The following MOBP variants were observed in gnomAD, a reference collection of about 807,000 sequenced individuals.
MOBP encodes the protein myelin associated oligodendrocyte basic protein.
MOBP carries 5 observed loss-of-function variants against 15.0 expected under a neutral mutation model. The observed-to-expected ratio is 0.33, with a 90% CI of 0.17 to 0.70. The LOEUF (loss-of-function observed/expected upper bound fraction) is 0.70. MOBP is among the 30% of genes least tolerant of loss of function. The pLI is 0.67. For missense variants in MOBP, 188 were observed against 257.8 expected (o/e 0.73, Z 1.85); for synonymous variants, 88 against 99.0 (o/e 0.89, Z 0.66).
chr3:39,479,846 A>G (rs919648935), intron 1 of MOBP, among the ~76,000 whole-genome samples, 194 bp from the exon 2 acceptor site: 2 of 151,902 alleles, frequency 1.3e-5, no homozygotes, highest in African/African-American at 4.8e-5. Context: ...GGCGGTTATT[A>G]AAAGTTTACA....
At chr3:39,471,322 G>T (rs1427585227) in intron 1 of MOBP, among the ~76,000 whole-genome samples, 1 of 151,786 alleles carries the variant, frequency 6.6e-6, no homozygotes. Context: ...GTAGAGACGG[G>T]GTTTCACCAT....
chr3:39,520,566 G>A (rs1467674463), downstream of MOBP, among the ~76,000 whole-genome samples: 1 of 141,126 alleles, frequency 7.1e-6, no homozygotes, highest in African/African-American at 3.0e-5. Flanking sequence ...GTATGTGTGT[G>A]TGTGTGTATG....
chr3:39,506,047 G>A (rs1179852815), downstream of MOBP, among the ~76,000 whole-genome samples: 1 of 152,084 alleles, frequency 6.6e-6, no homozygotes, highest in Non-Finnish European at 1.5e-5. Context: ...TCGCTGATGA[G>A]GCCAGTCCCC....
In MOBP at chr3:39,502,759, G is replaced by A. The variant is rs535595748; in HGVS notation, c.431G>A (p.Arg144Gln). The change falls in exon 4 of 4, where the codon CGA (arginine) becomes CAA (glutamine). Residue 144 changes from arginine to glutamine, a missense_variant. Physicochemically the swap from Arg to Gln is conservative, Grantham distance 43 (BLOSUM62 1). Around this residue, in one of 2 missense-constraint regions of MOBP, gnomAD observed 133 missense variants for 212.5 expected, o/e 0.63. Coordinates refer to ENST00000684792, the MANE Select transcript of MOBP (RefSeq NM_001393704.1). This position sits in a 1 kb window ranked among gnomAD's most constrained non-coding sequence, Gnocchi z 6.3. ...CAGCCACGTCCCCGCCCAGAGGTCC[G>A]ACCACCGCCAGCCAAGCAGCGTCCC... ...ERQPRPRPEV[R>Q]PPPAKQRPPQ... 1.5e-5 allele frequency: 23 copies of A among 1,535,448 alleles called. No homozygotes were observed. The East Asian group carries it at 5.6e-4, about 38-fold the overall frequency.
chr3:39,495,957 A>G (rs1423832509), intron 2 of MOBP, among the ~76,000 whole-genome samples: 1 of 151,892 alleles, frequency 6.6e-6, no homozygotes, highest in Non-Finnish European at 1.5e-5. Flanking sequence ...AGAAGATTAT[A>G]ATTACAGATT....
At chr3:39,520,866 T>C (rs976131059), downstream of MOBP, among the ~76,000 whole-genome samples, 1 of 152,150 alleles carries the variant, frequency 6.6e-6, no homozygotes, top group African/African-American at 2.4e-5. Flanking sequence ...ACTCAAGTTG[T>C]CTGTGAAAAT....
At chr3:39,471,151 T>G (rs1417684413) in intron 1 of MOBP, among the ~76,000 whole-genome samples, 2 of 148,004 alleles carry the variant, frequency 1.4e-5, no homozygotes, top group African/African-American at 5.1e-5. Context: ...TTTTTTGCGA[T>G]GGAGTCTCAC....
At chr3:39,522,849 T>G (rs188474815) in intron 3 of MOBP, among the ~76,000 whole-genome samples, 116 of 152,370 alleles carry the variant, frequency 7.6e-4, no homozygotes, top group African/African-American at 2.6e-3. Context: ...TAATTTCATC[T>G]GTGATTTAGG....
In MOBP at chr3:39,482,610, C is replaced by A. The variant is rs374618600; in HGVS notation, c.-5+2487C>A. ...GAGCTTGCAGTGAGCAGAGATCGCG[C>A]CACTGCACTCCAGCCTGGGCAACAG... On this transcript the variant is annotated intron_variant, in intron 2 of 3. Coordinates refer to ENST00000684792, the MANE Select transcript of MOBP (RefSeq NM_001393704.1). Among the ~76,000 whole-genome samples, 10 of 149,144 alleles carry A rather than the reference C, an allele frequency of 6.7e-5. No homozygotes were observed. In the East Asian group the frequency reaches 1.6e-3, roughly 23 times the overall value.
At chr3:39,471,927 G>A (rs1434970915) in intron 1 of MOBP, among the ~76,000 whole-genome samples, 1 of 152,236 alleles carries the variant, frequency 6.6e-6, no homozygotes, top group Non-Finnish European at 1.5e-5. Flanking sequence ...TCCACACAAT[G>A]TTTGCACGCA....
At chr3:39,510,313 A>G (rs2043103104) in intron 4 of MOBP, among the ~76,000 whole-genome samples, 1 of 152,012 alleles carries the variant, frequency 6.6e-6, no homozygotes, top group South Asian at 2.1e-4. Context: ...AAATTATTCG[A>G]GTTTTTTTAC....
chr3:39,513,336 A>C, intron 4 of MOBP: 1 of 1,553,738 alleles, frequency 6.4e-7, no homozygotes, highest in Admixed American at 1.7e-5. Flanking sequence ...GAGAGTATAC[A>C]TCACCTACCT....
At chr3:39,489,507 T>A (rs2042763131) in intron 2 of MOBP, among the ~76,000 whole-genome samples, 1 of 152,206 alleles carries the variant, frequency 6.6e-6, no homozygotes, top group South Asian at 2.1e-4. Flanking sequence ...TTTGCACATA[T>A]AGACTGATAT....
intron 2 of MOBP, among the ~76,000 whole-genome samples, chr3:39,498,671 A>G (rs2042922392): frequency 6.6e-6 from 1 of 152,230 alleles, no homozygotes; most frequent in Non-Finnish European, 1.5e-5. Context: ...ATGCATTTTC[A>G]GGTGGTTGTG....
Position 39,469,152 on chromosome 3 carries a change from ATATGTGTGTGTGTATACATATATACATG to A in MOBP, c.-89+1414_-89+1441del, listed in dbSNP as rs1315385859. On this transcript the variant is annotated intron_variant, in intron 1 of 3. Transcript: ENST00000684792. ...TATGTGTGTGTATATACATATATAC[ATATGTGTGTGTGTATACATATATACATG>A]TGTGTGTGTGTATATACATATATAC... 4.1e-4 allele frequency among the ~76,000 whole-genome samples: 37 copies of A among 90,774 alleles called. 11 individuals carry two copies. The highest frequency in any genetic ancestry group is 2.5e-3 in the African/African-American group (27 of 10,942). 59.6% of individuals were successfully genotyped at this position (90,774 alleles called of 152,430 possible).
exon 5 of MOBP, chr3:39,513,741 A>G: frequency 3.0e-6 from 1 of 328,728 alleles, no homozygotes; most frequent in Non-Finnish European, 5.5e-6. Context: ...ACAGGCCTCC[A>G]GGGTCTTTCA....
downstream of MOBP, chr3:39,527,420 CTT>C (rs1037281855): frequency 2.0e-5 from 3 of 150,254 alleles, no homozygotes; most frequent in Admixed American, 6.6e-5. Flanking sequence ...CTTTTATTAC[CTT>C]TTCCTTTTTT....
chr3:39,511,408 G>T (rs578161911), intron 4 of MOBP, among the ~76,000 whole-genome samples: 1 of 152,274 alleles, frequency 6.6e-6, no homozygotes, highest in South Asian at 2.1e-4. Flanking sequence ...GCTACAATAC[G>T]ATGACTAGAG....
chr3:39,520,555 T>C (rs1200434411), downstream of MOBP, among the ~76,000 whole-genome samples: 2 of 136,318 alleles, frequency 1.5e-5, no homozygotes, highest in Non-Finnish European at 3.1e-5. Context: ...TGTGTGTGTG[T>C]GTATGTGTGT....
Sources: gnomAD v4.1 joint callset for allele counts (sites outside exome capture counted in the v4.1 genomes callset) on GRCh38, gnomAD v4.1.1 for gene constraint, gnomAD v4.1.1 regional missense constraint, Gnocchi (gnomAD v3.1) non-coding constraint, MANE v1.5 for transcripts, NCBI Gene and HGNC (gene_info 2026-07-23, HGNC 2026-07-21) for gene names.